Variants in ZNF274 observed in about 807,000 individuals in gnomAD.
The protein encoded by ZNF274 is zinc finger protein 274, also known as neurotrophin receptor-interacting factor homolog.
A neutral mutation model predicts 42.5 loss-of-function variants in ZNF274; 23 were observed. The observed-to-expected ratio is 0.54, with a 90% CI of 0.39 to 0.77. The LOEUF (loss-of-function observed/expected upper bound fraction) is 0.77, where lower values mean the gene tolerates loss of function less well. Among genes scored for constraint, ZNF274 ranks in the 30% least tolerant of loss-of-function variants. ZNF274 has a pLI of 0.00. For missense variants in ZNF274, 679 were observed against 806.5 expected (o/e 0.84, Z 1.91); for synonymous variants, 292 against 305.4 (o/e 0.96, Z 0.46).
At chr19:58,189,849 G>A (rs1161057222) in intron 4 of ZNF274, among the ~76,000 whole-genome samples, 3 of 152,116 alleles carry the variant, frequency 2.0e-5, no homozygotes, top group Admixed American at 2.0e-4. Context: ...GGCCGGGCGG[G>A]CACGGTGGCT....
chr19:58,183,320 G>A lies in ZNF274; in HGVS notation c.-168G>A, dbSNP rs1448905575. 6.6e-6 allele frequency: 1 copy of A among 152,330 alleles called. No homozygotes were observed. Among genetic ancestry groups the A allele is most frequent in the African/African-American group, 2.4e-5 (1 of 41,470 alleles). 9.4% of individuals were successfully genotyped at this position (152,330 alleles called of 1,614,324 possible). ...CTGCCGCCCCTAACCGGCCAGTCAA[G>A]ATGGCCGCCGCTGGGTGAGGCAAGC... On this transcript the variant is annotated 5_prime_UTR_variant, in exon 1 of 8. Coordinates refer to ENST00000617501, the MANE Select transcript of ZNF274 (RefSeq NM_133502.3).
intron 4 of ZNF274, among the ~76,000 whole-genome samples, chr19:58,191,407 T>G (rs1568699676): frequency 6.6e-6 from 1 of 152,202 alleles, no homozygotes. Flanking sequence ...AAAGTGCTGG[T>G]ATTATAGGCG....
intron 4 of ZNF274, among the ~76,000 whole-genome samples, chr19:58,188,019 C>T (rs1211809917): frequency 6.6e-6 from 1 of 152,304 alleles, no homozygotes; most frequent in East Asian, 1.9e-4. Flanking sequence ...GCCATTGTGC[C>T]CGACCTCTGC....
In ZNF274 at chr19:58,206,996, C is replaced by G. The variant is rs77207323; in HGVS notation, c.533C>G (p.Ala178Gly). The G allele has an allele frequency of 6.2e-7, 1 of 1,610,522 alleles. No individual in the cohort carries two copies. The highest frequency in any genetic ancestry group is 8.5e-7 in the Non-Finnish European group (1 of 1,178,412). The change falls in exon 5 of 8, where the codon GCC becomes GGC. Residue 178 changes from alanine to glycine, a missense_variant. Ala to Gly is a moderately conservative substitution (Grantham distance 60). Coordinates refer to ENST00000617501, the MANE Select transcript of ZNF274 (RefSeq NM_133502.3). ...AAGGACATGACAGGTCCCCGGGAGG[C>G]CCTGGACCAGCTCCGAGAGCTGTGT... ...RYKDMTGPRE[A>G]LDQLRELCHQ...
At chr19:58,186,127 G>C (rs928715309) in intron 3 of ZNF274, 2 of 179,588 alleles carry the variant, frequency 1.1e-5, no homozygotes, top group African/African-American at 4.8e-5. Flanking sequence ...AGGATTGCTT[G>C]AGCCCAGGAG....
At chr19:58,202,038 G>T (rs942122416) in intron 4 of ZNF274, among the ~76,000 whole-genome samples, 1 of 152,160 alleles carries the variant, frequency 6.6e-6, no homozygotes, top group East Asian at 1.9e-4. Flanking sequence ...GAGCTTAGGG[G>T]CACTGAGGGA....
chr19:58,185,612 T>A, intron 2 of ZNF274, 100 bp from the exon 3 acceptor site: 1 of 1,300,528 alleles, frequency 7.7e-7, no homozygotes, highest in Non-Finnish European at 1.0e-6. Flanking sequence ...GGTCATCTTG[T>A]AGACCATTCT....
chr19:58,198,640 C>T (rs2075872010), intron 4 of ZNF274, among the ~76,000 whole-genome samples: 1 of 152,084 alleles, frequency 6.6e-6, no homozygotes, highest in Non-Finnish European at 1.5e-5. Flanking sequence ...GAAATGGTAG[C>T]TCCTTCCTGT....
At position 58,195,214 on chromosome 19, in the gene ZNF274, CATATATGTGTGTGT is replaced by C. The variant is rs1444972356; in HGVS notation, c.256+8193_256+8206del. On this transcript the variant is annotated intron_variant, in intron 4 of 7. Transcript: ENST00000617501. ...TCTGTCTCAAAAAAAAAAAAATACA[CATATATGTGTGTGT>C]ATATATGTGTGTGTATATATATACA... 7.3e-3 allele frequency among the ~76,000 whole-genome samples: 947 copies of C among 130,528 alleles called. 10 individuals carry two copies. The highest frequency in any genetic ancestry group is 0.028 in the African/African-American group (897 of 31,558). The allele number at this position is 130,528 out of a possible 152,430, so 85.6% of individuals were successfully genotyped here.
chr19:58,206,122 A>G (rs752566336), intron 4 of ZNF274, among the ~76,000 whole-genome samples: 1 of 152,098 alleles, frequency 6.6e-6, no homozygotes, highest in South Asian at 2.1e-4. Context: ...AACAATTACT[A>G]ATCTACTTGT....
chr19:58,195,105 G>C (rs1479102511), intron 4 of ZNF274, among the ~76,000 whole-genome samples: 2 of 151,606 alleles, frequency 1.3e-5, no homozygotes, highest in East Asian at 3.9e-4. Context: ...GGCTGAGGCA[G>C]GTGAATCGAT....
Position 58,188,605 on chromosome 19 carries a change from CAAAAAAAA to C in ZNF274, c.256+1572_256+1579del, listed in dbSNP as rs1163562490. Reference sequence around the variant, plus strand: ...TGCGTGACAGAGTGAGACTCCATCTCAAAAAAAAAAAAAAAATATATATATATATATAT... The same window carrying C: ...TGCGTGACAGAGTGAGACTCCATCTCAAAAAAAATATATATATATATATAT... On this transcript the variant is annotated intron_variant, in intron 4 of 7. Transcript: ENST00000617501. Among the ~76,000 whole-genome samples, 204 of 48,810 alleles carry C rather than the reference CAAAAAAAA, an allele frequency of 4.2e-3. 1 individual carries two copies. Among genetic ancestry groups the C allele is most frequent in the African/African-American group, 0.016 (184 of 11,732 alleles). 32.0% of individuals were successfully genotyped at this position (48,810 alleles called of 152,430 possible). A position where few individuals can be genotyped will look rare whatever the true frequency, so the allele number is the denominator to read the frequency against.
chr19:58,211,806 A>T lies in ZNF274; in HGVS notation c.979+120A>T. Reference sequence around the variant, plus strand: ...CATTCCCTCAAGGGGCCCTTGCTGCATCCAGGGCCTGTAAGTGGAACTGTA... The same window carrying T: ...CATTCCCTCAAGGGGCCCTTGCTGCTTCCAGGGCCTGTAAGTGGAACTGTA... On this transcript the variant is annotated intron_variant, in intron 7 of 7. Coordinates refer to ENST00000617501, the MANE Select transcript of ZNF274 (RefSeq NM_133502.3). The surrounding 1 kb of genome is among the most constrained non-coding windows in gnomAD (Gnocchi z 4.8). The T allele has an allele frequency of 7.2e-7, 1 of 1,392,408 alleles. No homozygotes were observed. The highest frequency in any genetic ancestry group is 9.6e-7 in the Non-Finnish European group (1 of 1,044,794). 86.3% of individuals were successfully genotyped at this position (1,392,408 alleles called of 1,614,324 possible). A position where few individuals can be genotyped will look rare whatever the true frequency, so the allele number is the denominator to read the frequency against.
At position 58,187,021 on chromosome 19, in the gene ZNF274, A is replaced by G; in HGVS notation, c.235A>G (p.Ile79Val). ...AGATTTCTGGCCAGTGGAGAGAGGA[A>G]TTCCTCAAGACACCATTCCAGGTGA... The part of the protein sequence containing the change: ...AEDFWPVERG[I>V]PQDTIPEYPE... The change falls in exon 4 of 8, where the codon ATT becomes GTT. Residue 79 changes from isoleucine (I) to valine (V), a missense_variant. This residue lies in a region of ZNF274 where 223 missense variants were observed against 216.4 expected (regional missense o/e 1.03). Transcript: ENST00000617501. The G allele has an allele frequency of 4.3e-6, 7 of 1,612,822 alleles. No individual in the cohort carries two copies. The highest frequency in any genetic ancestry group is 5.9e-6 in the Non-Finnish European group (7 of 1,179,414).
intron 4 of ZNF274, among the ~76,000 whole-genome samples, chr19:58,196,956 G>A (rs900954580): frequency 5.3e-5 from 8 of 152,174 alleles, no homozygotes; most frequent in South Asian, 2.1e-4. Flanking sequence ...ATATGATCAC[G>A]TGAGGAAAGA....
At chr19:58,186,909 C>T in intron 3 of ZNF274, 38 bp from the exon 4 acceptor site, 1 of 1,575,176 alleles carries the variant, frequency 6.3e-7, no homozygotes, top group Non-Finnish European at 8.7e-7. Context: ...CTCCTGAACA[C>T]AGACCCCCAC....
At chr19:58,186,530 C>G (rs547142426) in intron 3 of ZNF274, among the ~76,000 whole-genome samples, 6 of 83,198 alleles carry the variant, frequency 7.2e-5, no homozygotes, top group Non-Finnish European at 1.1e-4. Context: ...AGCAAGACTC[C>G]GTCTCAAAAA....
rs1456822793 is a variant in ZNF274, at chr19:58,207,626, A to G, written c.739+424A>G. On this transcript the variant is annotated intron_variant, in intron 5 of 7. Transcript: ENST00000617501. The surrounding 1 kb of genome is among the most constrained non-coding windows in gnomAD (Gnocchi z 5.6). ...AGGCTTATGAAGGTCTGCAGCTGAC[A>G]CCTGGTGTGGAGTGGAACTTGGCCA... Among the ~76,000 whole-genome samples the G allele has an allele frequency of 1.3e-5, 2 of 152,118 alleles. No homozygotes were observed. Among genetic ancestry groups the G allele is most frequent in the Non-Finnish European group, 2.9e-5 (2 of 68,026 alleles).
In ZNF274 at chr19:58,212,906, C is replaced by T. The variant is rs545412844; in HGVS notation, c.1725C>T (p.Arg575=). 4.6e-5 allele frequency: 74 copies of T among 1,614,008 alleles called. No individual in the cohort carries two copies. The highest frequency in any genetic ancestry group is 6.1e-5 in the Non-Finnish European group (72 of 1,179,894). The change falls in exon 8 of 8, where the codon CGC becomes CGT. Residue 575 remains arginine, a synonymous_variant. Transcript: ENST00000617501. The surrounding 1 kb of genome is among the most constrained non-coding windows in gnomAD (Gnocchi z 4.6). ...AGTGTGGGAGGACCTTCAATGATCG[C>T]TCAGCCATCTCCCAGCACCTGAGGA... The part of the protein sequence containing the change: ...CQECGRTFND[R]SAISQHLRTH...
Sources: gnomAD v4.1 joint callset for allele counts (sites outside exome capture counted in the v4.1 genomes callset) on GRCh38, gnomAD v4.1.1 for gene constraint, gnomAD v4.1.1 regional missense constraint, Gnocchi (gnomAD v3.1) non-coding constraint, MANE v1.5 for transcripts, NCBI Gene and HGNC (gene_info 2026-07-23, HGNC 2026-07-21) for gene names.